The following ZBTB11 variants were observed in gnomAD, a reference collection of about 807,000 sequenced individuals.
ZBTB11 encodes the protein zinc finger and BTB domain containing 11, also known as zinc finger and BTB domain-containing protein 11.
Under a neutral mutation model 113.1 loss-of-function variants are expected in ZBTB11, and 68 were observed. That is an observed-to-expected ratio of 0.60 (90% CI 0.49 to 0.74). The LOEUF is 0.74. Among genes scored for constraint, ZBTB11 ranks in the 30% least tolerant of loss-of-function variants. The probability of loss-of-function intolerance (pLI) is 0.00; values close to 1 mark genes in which losing one functional copy is unlikely to be tolerated. For synonymous variants in ZBTB11, 518 were observed against 452.6 expected (o/e 1.14, Z -1.83); for missense variants, 1,104 against 1,279.4 (o/e 0.86, Z 2.09).
rs762773411 is a variant in ZBTB11 at position 101,654,722 on chromosome 3, C to T, written c.2291G>A (p.Arg764Gln). ...TACTTACTGAGTACAATGATAGCCT[C>T]GAACCTCAGGCTTTGGTTGGTGTTT... is the stretch of plus-strand genomic sequence containing the variant. The part of the protein sequence containing the change: ...FKKHQPKPEV[R>Q]GYHCTQCEKS... Residue 764 changes from arginine to glutamine, a missense_variant, in exon 8 of 11, where the codon CGA becomes CAA. Physicochemically the swap from Arg to Gln is conservative, Grantham distance 43. Coordinates refer to ENST00000312938, the MANE Select transcript of ZBTB11 (RefSeq NM_014415.4). The T allele has an allele frequency of 7.4e-6, 12 of 1,613,996 alleles. No homozygotes were observed. Among genetic ancestry groups the T allele is most frequent in the South Asian group, 1.1e-5 (1 of 91,080 alleles).
intron 1 of ZBTB11, among the ~76,000 whole-genome samples, chr3:101,672,956 A>G (rs1937106506): frequency 1.3e-5 from 2 of 152,248 alleles, no homozygotes; most frequent in Admixed American, 6.5e-5. Context: ...AGATGAAAAA[A>G]GCTGAAACCA....
At chr3:101,657,140 C>CA (rs11413892) in intron 6 of ZBTB11, among the ~76,000 whole-genome samples, 72,318 of 104,818 alleles carry the variant, frequency 0.69, 23,641 homozygotes, top group Non-Finnish European at 0.75. Flanking sequence ...GAATCAGTCT[C>CA]AAAAAAAAAA....
chr3:101,662,560 A>G (rs1391345461), intron 5 of ZBTB11, among the ~76,000 whole-genome samples: 1 of 152,150 alleles, frequency 6.6e-6, no homozygotes, highest in Non-Finnish European at 1.5e-5. Context: ...AGCAGAGATC[A>G]TGCCACTGCA....
intron 1 of ZBTB11, 176 bp downstream of exon 1, chr3:101,676,429 T>C (rs921959980): frequency 8.1e-6 from 5 of 618,500 alleles, no homozygotes; most frequent in Non-Finnish European, 7.5e-6. Context: ...GCCTCCTTCC[T>C]GTGGGAAGTG....
Position 101,665,041 on chromosome 3 carries a change from C to A in ZBTB11, c.1546G>T (p.Ala516Ser), listed in dbSNP as rs763608086. ...ATTCCCTTGTGTAGTCGAATATATGCCCCTTCATTAACAGAACGTTGTCGA... is the reference window on the plus strand; with the variant it reads ...ATTCCCTTGTGTAGTCGAATATATGACCCTTCATTAACAGAACGTTGTCGA... ...RLRQRSVNEG[A>S]YIRLHKGMEK... The change falls in exon 4 of 11, where the codon GCA becomes TCA. Residue 516 changes from alanine (A) to serine (S), a missense_variant. By Grantham distance (99) the Ala-to-Ser change is moderately conservative. Around this residue, in one of 5 missense-constraint regions of ZBTB11, gnomAD observed 535 missense variants for 518.6 expected, o/e 1.03. Coordinates refer to ENST00000312938, the MANE Select transcript of ZBTB11 (RefSeq NM_014415.4). 3.7e-6 allele frequency: 6 copies of A among 1,614,046 alleles called. No homozygotes were observed. The highest frequency in any genetic ancestry group is 4.5e-5 in the East Asian group (2 of 44,894).
At chr3:101,661,303 C>T (rs923583770) in intron 5 of ZBTB11, among the ~76,000 whole-genome samples, 3 of 151,392 alleles carry the variant, frequency 2.0e-5, no homozygotes, top group African/African-American at 7.3e-5. Flanking sequence ...TACATGGCTT[C>T]ATCCTGGGAT....
Position 101,652,524 on chromosome 3 carries a change from C to T in ZBTB11, c.2616G>A (p.Glu872=), listed in dbSNP as rs1418847975. 3 of 1,614,154 alleles carry T rather than the reference C, an allele frequency of 1.9e-6. No individual in the cohort carries two copies. The highest frequency in any genetic ancestry group is 2.5e-6 in the Non-Finnish European group (3 of 1,180,006). ...CATGGTTGTTCATGTGTCTCCTATA[C>T]TCTCTTAGCTGAGTGAATTTTCTTC... ...KCGRKFTQLR[E]YRRHMNNHEG... is the part of the protein sequence containing the mutation. The change falls in exon 10 of 11, where the codon GAG becomes GAA. Residue 872 remains glutamate (E), a synonymous_variant. Transcript: ENST00000312938.
intron 2 of ZBTB11, 107 bp from the exon 3 acceptor site, chr3:101,671,468 T>C (rs1458176282): frequency 5.1e-6 from 4 of 777,866 alleles, no homozygotes; most frequent in Non-Finnish European, 8.5e-6. Context: ...CAGGTATGAA[T>C]AATTTGATAT....
At chr3:101,657,743 G>A (rs540852832) in intron 6 of ZBTB11, among the ~76,000 whole-genome samples, 13 of 152,218 alleles carry the variant, frequency 8.5e-5, no homozygotes, top group Non-Finnish European at 1.5e-4. Context: ...CCAGCACTTT[G>A]GGAGGCCCAG....
chr3:101,652,661 A>AG lies in ZBTB11; in HGVS notation c.2478_2479insC (p.Cys827LeufsTer7), dbSNP rs1936724964. 6.2e-7 allele frequency: 1 copy of AG among 1,613,606 alleles called. No individual in the cohort carries two copies. Among genetic ancestry groups the AG allele is most frequent in the Non-Finnish European group, 8.5e-7 (1 of 1,179,964 alleles). ...GCTTTTTCATAAAATTCTTTGCCAC[A>AG]TATATTACACCTAAAATAGGGGAAA... On this transcript the variant is annotated frameshift_variant, in exon 10 of 11. Coordinates refer to ENST00000312938, the MANE Select transcript of ZBTB11 (RefSeq NM_014415.4). LOFTEE classifies it high-confidence loss of function.
Position 101,656,098 on chromosome 3 carries a change from C to A in ZBTB11, c.2191+6G>T. ...TGTAACTATGTCAATATAAATTTCT[C>A]ATTACCTGTGTGAATACTCATATGT... On this transcript the variant is annotated splice_donor_region_variant and intron_variant, in intron 7 of 10. Coordinates refer to ENST00000312938, the MANE Select transcript of ZBTB11 (RefSeq NM_014415.4). The A allele has an allele frequency of 6.7e-7, 1 of 1,497,708 alleles. No homozygotes were observed. Among genetic ancestry groups the A allele is most frequent in the African/African-American group, 1.4e-5 (1 of 69,798 alleles). The allele number at this position is 1,497,708 out of a possible 1,614,324, so 92.8% of individuals were successfully genotyped here.
chr3:101,665,244 C>T lies in ZBTB11; in HGVS notation c.1343G>A (p.Ser448Asn), dbSNP rs772729677. The T allele has an allele frequency of 6.2e-7, 1 of 1,614,166 alleles. No homozygotes were observed. The highest frequency in any genetic ancestry group is 1.7e-5 in the Admixed American group (1 of 60,018). Residue 448 changes from serine to asparagine, a missense_variant, in exon 4 of 11, where the codon AGT (serine) becomes AAT (asparagine). Coordinates refer to ENST00000312938, the MANE Select transcript of ZBTB11 (RefSeq NM_014415.4). ...HPKLSKENVISSSPEDSGMGN... is the reference protein window; with the variant it reads ...HPKLSKENVINSSPEDSGMGN... The stretch of plus-strand genomic sequence containing the variant: ...CATACCACTATCCTCTGGCGAGCTA[C>T]TAATTACATTCTCTTTTGAAAGTTT...
At position 101,651,157 on chromosome 3, in the gene ZBTB11, T is replaced by C. The variant is rs760308185; in HGVS notation, c.*9A>G. ...GAGATGTCACTTCTTTTTATCTTCA[T>C]TAACATACTCATTCTCCTCCTGAAA... On this transcript the variant is annotated 3_prime_UTR_variant, in exon 11 of 11. Coordinates refer to ENST00000312938, the MANE Select transcript of ZBTB11 (RefSeq NM_014415.4). 6.4e-7 allele frequency: 1 copy of C among 1,557,380 alleles called. No homozygotes were observed. Among genetic ancestry groups the C allele is most frequent in the Non-Finnish European group, 8.7e-7 (1 of 1,155,116 alleles).
rs373999063 is a variant in ZBTB11, at chr3:101,676,936, G to A, written c.-22C>T. ...ACATCGCGGACCGCGGCTCCCTGAG[G>A]GCGCCTGTCAGGGACAGGTGAGGAA... On this transcript the variant is annotated 5_prime_UTR_variant, in exon 1 of 11. Transcript: ENST00000312938. 48 of 1,545,376 alleles carry A rather than the reference G, an allele frequency of 3.1e-5. No individual in the cohort carries two copies. The highest frequency in any genetic ancestry group is 3.9e-5 in the Non-Finnish European group (45 of 1,142,836).
chr3:101,654,645 TGAAAAC>T, intron 8 of ZBTB11, 53 bp downstream of exon 8: 2 of 1,421,188 alleles, frequency 1.4e-6, no homozygotes, highest in Non-Finnish European at 9.8e-7. Context: ...AATATTTTTT[TGAAAAC>T]TGAGTAAAAA....
At position 101,651,187 on chromosome 3, in the gene ZBTB11, T is replaced by A; in HGVS notation, c.3141A>T (p.Ala1047=). ...EAIQTVKVEV[A]HISGGE ...ATACTCATTCTCCTCCTGAAATATG[T>A]GCTACCTCTACTTTAACAGTTTGAA... is the stretch of plus-strand genomic sequence containing the variant. Residue 1047 remains alanine, a synonymous_variant, in exon 11 of 11, where the codon GCA becomes GCT. Coordinates refer to ENST00000312938, the MANE Select transcript of ZBTB11 (RefSeq NM_014415.4). 1 of 1,597,378 alleles carries A rather than the reference T, an allele frequency of 6.3e-7. No homozygotes were observed. The highest frequency in any genetic ancestry group is 8.5e-7 in the Non-Finnish European group (1 of 1,172,578).
At chr3:101,651,727 C>T in intron 10 of ZBTB11, 44 bp from the exon 11 acceptor site, 1 of 1,485,784 alleles carries the variant, frequency 6.7e-7, no homozygotes. Flanking sequence ...GGTGCAAGCA[C>T]CAAAATATAC....
At position 101,677,082 on chromosome 3, in the gene ZBTB11, G is replaced by A; in HGVS notation, c.-168C>T. The A allele has an allele frequency of 5.5e-6, 4 of 721,030 alleles. No individual in the cohort carries two copies. Among genetic ancestry groups the A allele is most frequent in the South Asian group, 4.2e-5 (2 of 47,176 alleles). The allele number at this position is 721,030 out of a possible 1,614,324, so 44.7% of individuals were successfully genotyped here. On this transcript the variant is annotated 5_prime_UTR_variant, in exon 1 of 11. Coordinates refer to ENST00000312938, the MANE Select transcript of ZBTB11 (RefSeq NM_014415.4). Reference sequence around the variant, plus strand: ...AGTCCGAAGGAAAAGCGGGCGAGTTGGTAACCAGGGGGAACTGCACTTCTC... The same window carrying A: ...AGTCCGAAGGAAAAGCGGGCGAGTTAGTAACCAGGGGGAACTGCACTTCTC...
At chr3:101,674,417 A>T (rs1449958941) in intron 1 of ZBTB11, among the ~76,000 whole-genome samples, 1 of 151,772 alleles carries the variant, frequency 6.6e-6, no homozygotes, top group African/African-American at 2.4e-5. Context: ...AGAGACCAAA[A>T]GAGGTTGTAT....
Sources: allele counts gnomAD v4.1 joint callset (sites outside exome capture counted in the v4.1 genomes callset), GRCh38; gene constraint gnomAD v4.1.1; regional missense constraint gnomAD v4.1.1; transcripts MANE v1.5; gene names NCBI Gene and HGNC (gene_info 2026-07-23, HGNC 2026-07-21).